The following SLC35F2 variants were observed in gnomAD, a reference collection of about 807,000 sequenced individuals.
SLC35F2 encodes the protein solute carrier family 35 member F2.
Under a neutral mutation model 38.1 loss-of-function variants are expected in SLC35F2, and 25 were observed. The observed-to-expected ratio is 0.66, with a 90% CI of 0.48 to 0.92. SLC35F2 has a LOEUF of 0.92. Among genes scored for constraint, SLC35F2 ranks in the 40% least tolerant of loss-of-function variants. The pLI is 0.00. For missense variants in SLC35F2, 409 were observed against 452.9 expected (o/e 0.90, Z 0.88); for synonymous variants, 173 against 181.7 (o/e 0.95, Z 0.38).
intron 1 of SLC35F2, among the ~76,000 whole-genome samples, chr11:107,853,676 C>T (rs1380842142): frequency 2.8e-5 from 4 of 143,352 alleles, no homozygotes; most frequent in Admixed American, 7.4e-5. Flanking sequence ...GCCGAGATCG[C>T]GCCACTGCAC....
intron 1 of SLC35F2, among the ~76,000 whole-genome samples, chr11:107,854,646 A>G (rs1860249280): frequency 6.6e-6 from 1 of 152,100 alleles, no homozygotes. Context: ...TTATTGAATG[A>G]GTGATCTGAT....
At chr11:107,813,346 G>A (rs1859513122) in intron 2 of SLC35F2, among the ~76,000 whole-genome samples, 2 of 152,124 alleles carry the variant, frequency 1.3e-5, no homozygotes, top group Admixed American at 1.3e-4. Context: ...TAGGGAGGCT[G>A]AGGCAAGAAA....
At chr11:107,846,140 G>C (rs1435858247) in intron 1 of SLC35F2, among the ~76,000 whole-genome samples, 1 of 151,620 alleles carries the variant, frequency 6.6e-6, no homozygotes, top group Non-Finnish European at 1.5e-5. Flanking sequence ...GAGTTATCTG[G>C]TTTCTACGGT....
chr11:107,812,008 C>G (rs1310984825), intron 2 of SLC35F2, among the ~76,000 whole-genome samples: 5 of 152,012 alleles, frequency 3.3e-5, no homozygotes, highest in African/African-American at 1.2e-4. Context: ...TTCAAGCCAT[C>G]CTCCCACCTC....
intron 3 of SLC35F2, among the ~76,000 whole-genome samples, chr11:107,809,054 C>T (rs940927288): frequency 3.9e-5 from 6 of 152,166 alleles, no homozygotes; most frequent in Admixed American, 2.6e-4. Context: ...GTGGCCCCAG[C>T]CAGTCACTCT....
rs370512798 is a variant in SLC35F2, at chr11:107,844,978, G to GA, written c.110+13679dup. On this transcript the variant is annotated intron_variant, in intron 1 of 7. Transcript: ENST00000525815. ...GCAACAGAGCGAGACTCCATCTCAA[G>GA]AAAAAAAAAAAAAAAAAGAATTACA... is the stretch of plus-strand genomic sequence containing the variant. Among the ~76,000 whole-genome samples, 320 of 110,634 alleles carry GA rather than the reference G, an allele frequency of 2.9e-3. 1 individual carries two copies. The highest frequency in any genetic ancestry group is 0.025 in the East Asian group (94 of 3,814). The allele number at this position is 110,634 out of a possible 152,430, so 72.6% of individuals were successfully genotyped here.
chr11:107,796,262 T>TC (rs1287270302), intron 7 of SLC35F2, among the ~76,000 whole-genome samples: 1 of 152,174 alleles, frequency 6.6e-6, no homozygotes, highest in Non-Finnish European at 1.5e-5. Context: ...AATCCAGCAA[T>TC]CCCACTACTG....
At chr11:107,851,860 CA>C (rs1860192767) in intron 1 of SLC35F2, among the ~76,000 whole-genome samples, 1 of 152,172 alleles carries the variant, frequency 6.6e-6, no homozygotes, top group Non-Finnish European at 1.5e-5. Context: ...GCACAAGCCA[CA>C]AAAGATCCCT....
At chr11:107,796,185 G>C (rs1007600020) in intron 7 of SLC35F2, among the ~76,000 whole-genome samples, 2 of 152,110 alleles carry the variant, frequency 1.3e-5, no homozygotes, top group Non-Finnish European at 2.9e-5. Flanking sequence ...ATGTAAATTA[G>C]TATAGTAGAG....
At chr11:107,809,743 C>A (rs1380724735) in intron 3 of SLC35F2, 8 of 979,664 alleles carry the variant, frequency 8.2e-6, no homozygotes, top group Non-Finnish European at 9.7e-6. Flanking sequence ...AGTACTAAGA[C>A]AGACCCTGCG....
At chr11:107,829,181 G>A (rs112762700) in intron 1 of SLC35F2, among the ~76,000 whole-genome samples, 26 of 151,212 alleles carry the variant, frequency 1.7e-4, no homozygotes, top group African/African-American at 6.1e-4. Context: ...CACTTTGGAA[G>A]GCTGAGGTGG....
chr11:107,796,214 C>T lies in SLC35F2; in HGVS notation c.940-3414G>A, dbSNP rs185198395. ...AGTAGAGCCACTATGGAAAACAGTA[C>T]GGAGATTCTCAAAAAACTAAAAATA... On this transcript the variant is annotated intron_variant, in intron 7 of 7. Coordinates refer to ENST00000525815, the MANE Select transcript of SLC35F2 (RefSeq NM_017515.5). 2.4e-3 allele frequency among the ~76,000 whole-genome samples: 363 copies of T among 152,138 alleles called. 2 individuals carry two copies. The highest frequency in any genetic ancestry group is 3.8e-3 in the Non-Finnish European group (261 of 67,990).
chr11:107,847,217 T>C (rs1860115002), intron 1 of SLC35F2, among the ~76,000 whole-genome samples: 2 of 152,130 alleles, frequency 1.3e-5, no homozygotes, highest in African/African-American at 4.8e-5. Flanking sequence ...TAATATTCTA[T>C]TTTTTATTTT....
Position 107,836,973 on chromosome 11 carries a change from C to T in SLC35F2, c.111-21008G>A, listed in dbSNP as rs146040112. On this transcript the variant is annotated intron_variant, in intron 1 of 7. Coordinates refer to ENST00000525815, the MANE Select transcript of SLC35F2 (RefSeq NM_017515.5). ...AAATAAAGAGTCTATTAAAAAACTG[C>T]AGGCAAAGCTGATTGGGAGCTACCT... Among the ~76,000 whole-genome samples, 778 of 152,260 alleles carry T rather than the reference C, an allele frequency of 5.1e-3. 10 individuals carry two copies. Among genetic ancestry groups the T allele is most frequent in the African/African-American group, 0.017 (722 of 41,542 alleles).
chr11:107,851,457 C>T (rs1397821391), intron 1 of SLC35F2, among the ~76,000 whole-genome samples: 1 of 136,822 alleles, frequency 7.3e-6, no homozygotes, highest in Non-Finnish European at 1.5e-5. Flanking sequence ...GAGAGAAACT[C>T]CGTCTCAAAA....
At chr11:107,798,192 TG>T (rs1859250984) in intron 7 of SLC35F2, among the ~76,000 whole-genome samples, 1 of 151,948 alleles carries the variant, frequency 6.6e-6, no homozygotes, top group Admixed American at 6.6e-5. Context: ...TTAATAGAGA[TG>T]GGGTTTCACC....
At chr11:107,815,992 CA>C (rs1859566848) in intron 1 of SLC35F2, 27 bp from the exon 2 acceptor site, 7 of 1,588,262 alleles carry the variant, frequency 4.4e-6, no homozygotes, top group African/African-American at 1.4e-5. Context: ...GAAATCAGAA[CA>C]GCATGCAAAT....
chr11:107,833,095 C>T (rs1031783187), intron 1 of SLC35F2, among the ~76,000 whole-genome samples: 12 of 152,194 alleles, frequency 7.9e-5, no homozygotes, highest in East Asian at 5.8e-4. Flanking sequence ...TGCTAATGGA[C>T]GCCATCAGAA....
chr11:107,805,448 A>G lies in SLC35F2; in HGVS notation c.642T>C (p.Val214=). ...LGASLYAISN[V]CEEYIVKKLS... ...GCTTCTTCACGATGTATTCCTCACA[A>G]ACATTTGAAATGGCATAGAGGGAAG... The change falls in exon 5 of 8, where the codon GTT becomes GTC. Residue 214 remains valine, a synonymous_variant. Transcript: ENST00000525815. The G allele has an allele frequency of 6.2e-7, 1 of 1,614,132 alleles. No individual in the cohort carries two copies. The highest frequency in any genetic ancestry group is 8.5e-7 in the Non-Finnish European group (1 of 1,180,028).
Sources: allele counts gnomAD v4.1 joint callset (sites outside exome capture counted in the v4.1 genomes callset), GRCh38; gene constraint gnomAD v4.1.1; transcripts MANE v1.5; gene names NCBI Gene and HGNC (gene_info 2026-07-23, HGNC 2026-07-21).